The following AKR1C3 variants were observed in gnomAD, a reference collection of about 807,000 sequenced individuals.
AKR1C3 encodes the protein 3-alpha hydroxysteroid dehydrogenase, type II.
A neutral mutation model predicts 43.6 loss-of-function variants in AKR1C3; 48 were observed. The observed-to-expected ratio is 1.10, with a 90% CI of 0.87 to 1.40. The LOEUF is 1.40. Among genes scored for constraint, AKR1C3 ranks in the 40% most tolerant of loss-of-function variants. The probability of loss-of-function intolerance (pLI) is 0.00; values close to 1 mark genes in which losing one functional copy is unlikely to be tolerated. For missense variants in AKR1C3, 482 were observed against 391.2 expected (o/e 1.23, Z -1.96); for synonymous variants, 162 against 139.6 (o/e 1.16, Z -1.13).
rs1839485695 is a variant in AKR1C3, at chr10:5,105,744, G to C, written c.929+67G>C. On this transcript the variant is annotated intron_variant, in intron 8 of 8. Coordinates refer to ENST00000380554, the MANE Select transcript of AKR1C3 (RefSeq NM_003739.6). ...AGAAGGAATGTAGGATGGGTGTTGAGAGTGACCTCCATACCAGAGGGACAG... is the reference window on the plus strand; with the variant it reads ...AGAAGGAATGTAGGATGGGTGTTGACAGTGACCTCCATACCAGAGGGACAG... The C allele has an allele frequency of 2.0e-5, 25 of 1,269,132 alleles. 1 individual carries two copies. In the South Asian group the frequency reaches 3.0e-4, roughly 15 times the overall value. 78.6% of individuals were successfully genotyped at this position (1,269,132 alleles called of 1,614,324 possible). A position where few individuals can be genotyped will look rare whatever the true frequency, so the allele number is the denominator to read the frequency against.
intron 7 of AKR1C3, chr10:5,105,350 T>C: frequency 3.1e-6 from 1 of 319,686 alleles, no homozygotes; most frequent in Admixed American, 4.5e-5. Flanking sequence ...TTCTTCTCCA[T>C]TTTCTGTTGA....
chr10:5,088,114 G>A (rs1839013299), intron 1 of AKR1C3, among the ~76,000 whole-genome samples: 2 of 152,050 alleles, frequency 1.3e-5, no homozygotes, highest in South Asian at 4.1e-4. Flanking sequence ...AATTTTTCAT[G>A]CACTTGTATA....
At chr10:5,100,922 A>G (rs1839334101) in intron 5 of AKR1C3, among the ~76,000 whole-genome samples, 1 of 151,756 alleles carries the variant, frequency 6.6e-6, no homozygotes, top group Admixed American at 6.6e-5. Context: ...GCATAAATAC[A>G]TATAATATTT....
intron 1 of AKR1C3, among the ~76,000 whole-genome samples, chr10:5,095,186 G>C (rs989745872): frequency 2.6e-5 from 4 of 152,052 alleles, no homozygotes; most frequent in African/African-American, 9.7e-5. Flanking sequence ...GTGGTCTTCT[G>C]ACACAAAAAT....
At chr10:5,068,735 G>A (rs1387630519) in intron 1 of AKR1C3, among the ~76,000 whole-genome samples, 1 of 152,178 alleles carries the variant, frequency 6.6e-6, no homozygotes, top group Non-Finnish European at 1.5e-5. Context: ...TCTTCAGGCA[G>A]GCAGAGGGGA....
chr10:5,098,139 TG>T, intron 3 of AKR1C3: 4 of 986,320 alleles, frequency 4.1e-6, no homozygotes, highest in Non-Finnish European at 4.8e-6. Flanking sequence ...GGCTAGTTAA[TG>T]CAAAAGAGTT....
intron 5 of AKR1C3, among the ~76,000 whole-genome samples, chr10:5,101,233 A>G (rs1588358076): frequency 6.6e-6 from 1 of 152,240 alleles, no homozygotes; most frequent in East Asian, 1.9e-4. Flanking sequence ...ACTGGGTGAT[A>G]ATTCCTAACA....
At chr10:5,049,081 G>T (rs138085727) in intron 1 of AKR1C3, among the ~76,000 whole-genome samples, 117 of 151,458 alleles carry the variant, frequency 7.7e-4, no homozygotes, top group African/African-American at 2.6e-3. Flanking sequence ...ATAGAAGTCT[G>T]GTTGCATGGT....
intron 4 of AKR1C3, 116 bp downstream of exon 4, chr10:5,098,995 T>C: frequency 1.1e-6 from 1 of 950,814 alleles, no homozygotes; most frequent in Non-Finnish European, 1.6e-6. Flanking sequence ...TCAGAAACTT[T>C]ACAAGAGTAG....
intron 1 of AKR1C3, among the ~76,000 whole-genome samples, chr10:5,067,593 A>G (rs964935997): frequency 1.2e-4 from 18 of 150,526 alleles, no homozygotes; most frequent in African/African-American, 4.4e-4. Flanking sequence ...GCCCTCTTGC[A>G]TGGGAAAGCT....
chr10:5,079,881 T>A (rs1838795634), intron 1 of AKR1C3, among the ~76,000 whole-genome samples: 1 of 152,222 alleles, frequency 6.6e-6, no homozygotes, highest in Non-Finnish European at 1.5e-5. Flanking sequence ...GTGTATCTTA[T>A]GTAATCAAGT....
chr10:5,094,287 C>A (rs1554784808), upstream of AKR1C3: 5 of 617,000 alleles, frequency 8.1e-6, no homozygotes, highest in East Asian at 1.7e-4. Flanking sequence ...ATTTTCTCCA[C>A]AGACCATATA....
At position 5,078,608 on chromosome 10, in the gene AKR1C3, G is replaced by A. The variant is rs78132167; in HGVS notation, c.85-17802G>A. 3.3e-3 allele frequency among the ~76,000 whole-genome samples: 503 copies of A among 152,280 alleles called. 2 individuals are homozygous for A. Among genetic ancestry groups the A allele is most frequent in the Middle Eastern group, 6.8e-3 (2 of 294 alleles). The stretch of plus-strand genomic sequence containing the variant: ...TCAGCAAAGTACAGTACCTGTTCGT[G>A]AGTTGATTTTCTCTCCAGTCCGACA... On this transcript the variant is annotated intron_variant, in intron 1 of 8. Coordinates refer to the AKR1C3 transcript ENST00000439082.
intron 1 of AKR1C3, among the ~76,000 whole-genome samples, chr10:5,060,099 G>T (rs557142403): frequency 6.6e-6 from 1 of 152,108 alleles, no homozygotes; most frequent in African/African-American, 2.4e-5. Context: ...TGGTGGGTTC[G>T]TGGTCTTGCT....
At chr10:5,059,648 C>T (rs116814802) in intron 1 of AKR1C3, among the ~76,000 whole-genome samples, 5,405 of 152,266 alleles carry the variant, frequency 0.035, 121 homozygotes, top group Middle Eastern at 0.061. Flanking sequence ...TTTTAACTGG[C>T]TGACAGGTGC....
intron 1 of AKR1C3, among the ~76,000 whole-genome samples, chr10:5,072,206 T>C (rs1366382040): frequency 6.6e-6 from 1 of 152,220 alleles, no homozygotes; most frequent in Non-Finnish European, 1.5e-5. Flanking sequence ...GGCCAAACCC[T>C]GGCATAAGTC....
chr10:5,089,040 A>AT (rs1444871233), intron 1 of AKR1C3, among the ~76,000 whole-genome samples: 2 of 151,912 alleles, frequency 1.3e-5, no homozygotes, highest in East Asian at 1.9e-4. Flanking sequence ...TGATTTCTCC[A>AT]TTTTTTTCTA....
chr10:5,106,867 A>C (rs1839513291), intron 8 of AKR1C3, among the ~76,000 whole-genome samples: 1 of 138,820 alleles, frequency 7.2e-6, no homozygotes. Flanking sequence ...AAGTGCTTAA[A>C]AATTGGTAGA....
At chr10:5,053,246 G>A (rs1251487195) in intron 1 of AKR1C3, among the ~76,000 whole-genome samples, 1 of 152,264 alleles carries the variant, frequency 6.6e-6, no homozygotes, top group Non-Finnish European at 1.5e-5. Flanking sequence ...ACGGACGGTG[G>A]AGAGGCTCAG....
Sources: allele counts gnomAD v4.1 joint callset (sites outside exome capture counted in the v4.1 genomes callset), GRCh38; gene constraint gnomAD v4.1.1; transcripts MANE v1.5; gene names NCBI Gene and HGNC (gene_info 2026-07-23, HGNC 2026-07-21).